Variants in LARGE1 observed in about 807,000 individuals in gnomAD.
LARGE1 encodes the protein xylosyl- and glucuronyltransferase LARGE1.
In LARGE1, 43 loss-of-function variants were observed where a neutral mutation model predicts 87.6. The ratio of observed to expected loss-of-function variants is 0.49; its 90% CI spans 0.38 to 0.63. LARGE1 has a LOEUF of 0.63. LARGE1 is among the 30% of genes least tolerant of loss of function. LARGE1 has a pLI of 0.00. For missense variants in LARGE1, 802 were observed against 1,000.2 expected (o/e 0.80, Z 2.67); for synonymous variants, 434 against 394.6 (o/e 1.10, Z -1.18).
chr22:33,853,943 T>A (rs888881388), intron 1 of LARGE1, among the ~76,000 whole-genome samples: 2 of 152,026 alleles, frequency 1.3e-5, no homozygotes, highest in South Asian at 4.2e-4. Flanking sequence ...AATGCGAAAG[T>A]GAAACTGCTC....
At chr22:33,113,893 C>T in the LARGE1 span, among the ~76,000 whole-genome samples, 4 of 148,110 alleles carry the variant, frequency 2.7e-5, no homozygotes, top group African/African-American at 1.0e-4. Flanking sequence ...TTTTTTGAGA[C>T]GGAGTCTCGC....
At chr22:33,505,868 A>G (rs1222249793) in intron 6 of LARGE1, among the ~76,000 whole-genome samples, 1 of 152,162 alleles carries the variant, frequency 6.6e-6, no homozygotes, top group Non-Finnish European at 1.5e-5. Flanking sequence ...TAAATGATGG[A>G]TCTGACAACT....
chr22:33,836,148 C>A lies in LARGE1; in HGVS notation c.-82-74590G>T, dbSNP rs144592912. On this transcript the variant is annotated intron_variant, in intron 1 of 14. Coordinates refer to ENST00000397394, the MANE Select transcript of LARGE1 (RefSeq NM_133642.5). ...GCAGTCCAGTTCAGCCTGCTTCCTACAGAGCTGGTGTGATGGAAAGGAAAG... is the reference window on the plus strand; with the variant it reads ...GCAGTCCAGTTCAGCCTGCTTCCTAAAGAGCTGGTGTGATGGAAAGGAAAG... Among the ~76,000 whole-genome samples the A allele has an allele frequency of 2.6e-3, 394 of 152,300 alleles. 5 individuals carry two copies. The highest frequency in any genetic ancestry group is 8.9e-3 in the African/African-American group (370 of 41,566).
At chr22:33,128,680 C>CAAAAAAAAAAAAAAAAA in the LARGE1 span, among the ~76,000 whole-genome samples, 5 of 110,272 alleles carry the variant, frequency 4.5e-5, no homozygotes, top group South Asian at 2.6e-4. Flanking sequence ...GTCTCAAAAA[C>CAAAAAAAAAAAAAAAAA]AAAAAAAAAA....
the LARGE1 span, among the ~76,000 whole-genome samples, chr22:33,156,243 C>A: frequency 2.0e-5 from 3 of 152,104 alleles, no homozygotes; most frequent in Admixed American, 2.0e-4. Flanking sequence ...GATCCCAGAA[C>A]GGTAGATCCA....
intron 6 of LARGE1, among the ~76,000 whole-genome samples, chr22:33,478,496 G>A (rs1350296665): frequency 6.6e-6 from 1 of 152,214 alleles, no homozygotes; most frequent in Non-Finnish European, 1.5e-5. Flanking sequence ...TTCAAATAAA[G>A]AGCCAAAGGG....
At chr22:33,599,709 C>T (rs114693837) in intron 5 of LARGE1, among the ~76,000 whole-genome samples, 2,041 of 152,276 alleles carry the variant, frequency 0.013, 47 homozygotes, top group African/African-American at 0.046. Context: ...AAGGGGCCCA[C>T]AGGAACATTT....
intron 2 of LARGE1, among the ~76,000 whole-genome samples, chr22:33,710,974 A>ACGT (rs2082714416): frequency 1.3e-5 from 2 of 152,194 alleles, no homozygotes; most frequent in Admixed American, 6.5e-5. Flanking sequence ...AAACTGTCCC[A>ACGT]AATCTTTACG....
At chr22:33,353,272 C>T (rs377749619) in intron 9 of LARGE1, among the ~76,000 whole-genome samples, 36 of 152,272 alleles carry the variant, frequency 2.4e-4, no homozygotes, top group African/African-American at 6.7e-4. Context: ...TTGTGAAAGT[C>T]GGTCTTAAGC....
intron 12 of LARGE1, among the ~76,000 whole-genome samples, chr22:33,290,089 T>A (rs1375462747): frequency 1.3e-5 from 2 of 152,150 alleles, no homozygotes; most frequent in African/African-American, 4.8e-5. Flanking sequence ...GTTTCCCTGG[T>A]GCTACGGTGG....
At chr22:33,646,754 G>GA (rs2080627361) in intron 3 of LARGE1, among the ~76,000 whole-genome samples, 1 of 152,132 alleles carries the variant, frequency 6.6e-6, no homozygotes, top group African/African-American at 2.4e-5. Context: ...TTGAGACGGA[G>GA]TCTCGCTCTA....
At chr22:33,797,243 G>A (rs187799367) in intron 1 of LARGE1, among the ~76,000 whole-genome samples, 9 of 152,254 alleles carry the variant, frequency 5.9e-5, no homozygotes, top group Non-Finnish European at 1.0e-4. Context: ...CAGTTCATTC[G>A]CCTTCCCTAG....
At chr22:33,350,624 TG>T (rs1940274333) in intron 9 of LARGE1, among the ~76,000 whole-genome samples, 1 of 152,072 alleles carries the variant, frequency 6.6e-6, no homozygotes, top group Non-Finnish European at 1.5e-5. Flanking sequence ...GTCATGCCCT[TG>T]GGGGTGGGCA....
intron 1 of LARGE1, among the ~76,000 whole-genome samples, chr22:33,843,097 A>G (rs2063329340): frequency 1.3e-5 from 2 of 152,054 alleles, no homozygotes; most frequent in African/African-American, 2.4e-5. Context: ...TCACAACCCA[A>G]CCCAGGCTTT....
intron 1 of LARGE1, among the ~76,000 whole-genome samples, chr22:33,822,344 A>T (rs2086850051): frequency 6.6e-6 from 1 of 152,148 alleles, no homozygotes; most frequent in Non-Finnish European, 1.5e-5. Context: ...TTCCCCTTTC[A>T]AATGCACTGT....
chr22:33,366,077 A>G (rs1389414375), intron 9 of LARGE1, among the ~76,000 whole-genome samples: 2 of 152,232 alleles, frequency 1.3e-5, no homozygotes, highest in African/African-American at 2.4e-5. Flanking sequence ...TTAAAAAATA[A>G]AAGTTTAATT....
intron 4 of LARGE1, among the ~76,000 whole-genome samples, chr22:33,620,591 C>A (rs1195640340): frequency 6.6e-6 from 1 of 152,126 alleles, no homozygotes; most frequent in East Asian, 1.9e-4. Context: ...AGGTTGCATG[C>A]TGACACAACC....
At chr22:33,782,330 A>G (rs1012276984) in intron 1 of LARGE1, among the ~76,000 whole-genome samples, 5 of 152,180 alleles carry the variant, frequency 3.3e-5, no homozygotes, top group African/African-American at 1.2e-4. Flanking sequence ...AGGAGCTAGA[A>G]TAAGAGGAGA....
At chr22:33,141,989 C>A in the LARGE1 span, among the ~76,000 whole-genome samples, 1 of 152,174 alleles carries the variant, frequency 6.6e-6, no homozygotes, top group African/African-American at 2.4e-5. Flanking sequence ...TACTCTGCTG[C>A]CATTGATGTC....
Sources: gnomAD v4.1 joint callset for allele counts (sites outside exome capture counted in the v4.1 genomes callset) on GRCh38, gnomAD v4.1.1 for gene constraint, MANE v1.5 for transcripts, NCBI Gene and HGNC (gene_info 2026-07-23, HGNC 2026-07-21) for gene names.